Variants in STK3 observed in about 807,000 individuals in gnomAD.
STK3 encodes the protein serine/threonine-protein kinase 3.
In STK3, 41 loss-of-function variants were observed where a neutral mutation model predicts 58.0. The observed-to-expected ratio is 0.71, with a 90% CI of 0.55 to 0.92. The LOEUF (loss-of-function observed/expected upper bound fraction) is 0.92, where lower values mean the gene tolerates loss of function less well. Among genes scored for constraint, STK3 ranks in the 40% least tolerant of loss-of-function variants. The pLI is 0.00. For synonymous variants in STK3, 170 were observed against 191.0 expected (o/e 0.89, Z 0.91); for missense variants, 479 against 602.7 (o/e 0.79, Z 2.15).
At position 98,563,158 on chromosome 8, in the gene STK3, T is replaced by C. The variant is rs370429059; in HGVS notation, c.949-14997A>G. Among the ~76,000 whole-genome samples, 11 of 152,236 alleles carry C rather than the reference T, an allele frequency of 7.2e-5. No individual in the cohort carries two copies. In the East Asian group the frequency reaches 1.4e-3, roughly 19 times the overall value. ...GACTAAAGACAAAAGAAATGATACA[T>C]AAGCAGTGTAACTGATAATGTTGTT... On this transcript the variant is annotated intron_variant, in intron 8 of 10. Coordinates refer to ENST00000419617, the MANE Select transcript of STK3 (RefSeq NM_006281.4).
the STK3 span, among the ~76,000 whole-genome samples, chr8:98,355,861 T>C: frequency 6.6e-6 from 1 of 152,246 alleles, no homozygotes; most frequent in Non-Finnish European, 1.5e-5. Flanking sequence ...TGGATGGCGC[T>C]ATGTAACCAG....
At position 98,561,634 on chromosome 8, in the gene STK3, C is replaced by T. The variant is rs1280695453; in HGVS notation, c.949-13473G>A. Among the ~76,000 whole-genome samples, 4 of 151,782 alleles carry T rather than the reference C, an allele frequency of 2.6e-5. No individual in the cohort carries two copies. The East Asian group carries it at 5.8e-4, about 22-fold the overall frequency. On this transcript the variant is annotated intron_variant, in intron 8 of 10. Transcript: ENST00000419617. ...GATCATCCACTGCACTCAGCTTGTG[C>T]GAAAGAATGAGACCCTGTCTCTAAA...
chr8:98,344,394 C>T, the STK3 span, among the ~76,000 whole-genome samples: 1 of 152,206 alleles, frequency 6.6e-6, no homozygotes, highest in Admixed American at 6.5e-5. Context: ...CTGAGAATCT[C>T]CACAAAGTCA....
At chr8:98,527,065 G>A in intron 9 of STK3, 148 bp from the exon 10 acceptor site, 1 of 542,188 alleles carries the variant, frequency 1.8e-6, no homozygotes, top group Non-Finnish European at 2.8e-6. Context: ...AAAGAACAAA[G>A]TGAAATAAAA....
intron 6 of STK3, among the ~76,000 whole-genome samples, chr8:98,656,876 T>G (rs1240356731): frequency 2.6e-5 from 4 of 152,146 alleles, no homozygotes; most frequent in Non-Finnish European, 5.9e-5. Flanking sequence ...GAGAGTTATA[T>G]TCTGTCAATC....
At chr8:98,500,909 CTT>C (rs1366789532) in intron 10 of STK3, among the ~76,000 whole-genome samples, 1 of 152,112 alleles carries the variant, frequency 6.6e-6, no homozygotes, top group Admixed American at 6.5e-5. Context: ...ATTTATAATC[CTT>C]TGGGTATATA....
chr8:98,672,297 T>C (rs755379654), intron 6 of STK3, among the ~76,000 whole-genome samples: 7 of 151,414 alleles, frequency 4.6e-5, no homozygotes, highest in Non-Finnish European at 1.0e-4. Flanking sequence ...TTGGTGGGGG[T>C]GTTGTGCCAA....
intron 3 of STK3, among the ~76,000 whole-genome samples, chr8:98,874,355 C>G (rs1385369126): frequency 1.3e-5 from 2 of 152,098 alleles, no homozygotes; most frequent in African/African-American, 4.8e-5. Context: ...ATCTTTGTGG[C>G]ATTCTCTGTA....
intron 4 of STK3, among the ~76,000 whole-genome samples, chr8:98,739,366 T>A (rs1248985634): frequency 2.6e-5 from 4 of 152,022 alleles, no homozygotes; most frequent in Non-Finnish European, 5.9e-5. Context: ...GACTGACACC[T>A]CACACGGCCG....
chr8:98,575,412 G>A (rs1813319355), intron 8 of STK3, among the ~76,000 whole-genome samples: 1 of 149,012 alleles, frequency 6.7e-6, no homozygotes, highest in Non-Finnish European at 1.5e-5. Context: ...ACAAATCAGT[G>A]GCACTTAGTA....
chr8:98,391,923 C>T (rs1050838817), upstream of STK3, among the ~76,000 whole-genome samples: 1 of 152,172 alleles, frequency 6.6e-6, no homozygotes, highest in Non-Finnish European at 1.5e-5. Context: ...TTTTATGAAA[C>T]TGATAGTTCC....
intron 4 of STK3, among the ~76,000 whole-genome samples, chr8:98,721,659 T>A (rs933895696): frequency 3.4e-5 from 5 of 148,684 alleles, no homozygotes; most frequent in Non-Finnish European, 7.5e-5. Context: ...AATATAAAAT[T>A]CACAAAACTA....
intron 10 of STK3, among the ~76,000 whole-genome samples, chr8:98,457,997 A>G (rs1819627290): frequency 6.6e-6 from 1 of 152,182 alleles, no homozygotes; most frequent in South Asian, 2.1e-4. Flanking sequence ...GATATTAGAG[A>G]AACATTATCT....
chr8:98,708,199 C>A (rs1451105200), intron 4 of STK3, among the ~76,000 whole-genome samples: 2 of 151,886 alleles, frequency 1.3e-5, no homozygotes, highest in Non-Finnish European at 2.9e-5. Flanking sequence ...CAAGAATCAG[C>A]CTGATATAAG....
intron 10 of STK3, among the ~76,000 whole-genome samples, chr8:98,477,256 C>A (rs73275805): frequency 0.017 from 2,658 of 152,042 alleles, 90 homozygotes; most frequent in African/African-American, 0.061. Flanking sequence ...ATCTGTGGGT[C>A]TTCATTTCCT....
intron 1 of STK3, among the ~76,000 whole-genome samples, chr8:98,903,823 AT>A (rs1172493040): frequency 1.3e-5 from 2 of 152,146 alleles, no homozygotes; most frequent in African/African-American, 4.8e-5. Flanking sequence ...TGCAGCTTTC[AT>A]TCAAAATACG....
chr8:98,662,318 T>C (rs1041099390), intron 6 of STK3, among the ~76,000 whole-genome samples: 2 of 152,334 alleles, frequency 1.3e-5, no homozygotes, highest in East Asian at 3.9e-4. Context: ...TTCAAAATAT[T>C]TTATTCAAGC....
chr8:98,712,683 T>C (rs1456824140), intron 4 of STK3, among the ~76,000 whole-genome samples: 1 of 152,038 alleles, frequency 6.6e-6, no homozygotes, highest in Non-Finnish European at 1.5e-5. Flanking sequence ...ACAATAATAA[T>C]GGGAGACTTT....
chr8:98,628,707 C>T (rs1240592354), intron 6 of STK3, among the ~76,000 whole-genome samples: 1 of 149,508 alleles, frequency 6.7e-6, no homozygotes, highest in Non-Finnish European at 1.5e-5. Context: ...GAGGCTGAGG[C>T]AGAAGAACAG....
Sources: gnomAD v4.1 joint callset for allele counts (sites outside exome capture counted in the v4.1 genomes callset) on GRCh38, gnomAD v4.1.1 for gene constraint, MANE v1.5 for transcripts, NCBI Gene and HGNC (gene_info 2026-07-23, HGNC 2026-07-21) for gene names.